ADSS1: variants seen among roughly 807,000 people sequenced by gnomAD.
ADSS1 encodes the protein adenylosuccinate synthase 1.
ADSS1 carries 57 observed loss-of-function variants against 59.1 expected under a neutral mutation model. The ratio of observed to expected loss-of-function variants is 0.97; its 90% CI spans 0.78 to 1.20. The LOEUF is 1.20. Among genes scored for constraint, ADSS1 ranks in the 50% most tolerant of loss-of-function variants. ADSS1 has a pLI of 0.00. For synonymous variants in ADSS1, 247 were observed against 249.4 expected (o/e 0.99, Z 0.09); for missense variants, 603 against 610.3 (o/e 0.99, Z 0.13).
intron 8 of ADSS1, 77 bp from the exon 9 acceptor site, chr14:104,741,771 T>G: frequency 5.1e-6 from 8 of 1,566,712 alleles, no homozygotes; most frequent in Non-Finnish European, 6.1e-6. Context: ...TGCCCTTTAC[T>G]GAGAAGGCCT....
chr14:104,746,985 G>C lies in ADSS1; in HGVS notation c.1356G>C (p.Ser452=). 1 of 1,614,000 alleles carries C rather than the reference G, an allele frequency of 6.2e-7. No homozygotes were observed. The highest frequency in any genetic ancestry group is 8.5e-7 in the Non-Finnish European group (1 of 1,179,892). ...TTGGTGTTGGCAAGTCAAGAGAGTC[G>C]ATGATCCAGCTGTTTTAGTCACAGA... ...KWVGVGKSRE[S]MIQLF is the part of the protein sequence containing the mutation. The change falls in exon 13 of 13, where the codon TCG becomes TCC. Residue 452 remains serine (S), a synonymous_variant. Transcript: ENST00000330877.
At position 104,746,294 on chromosome 14, in the gene ADSS1, A is replaced by G; in HGVS notation, c.1230A>G (p.Lys410=). 6.2e-7 allele frequency: 1 copy of G among 1,613,786 alleles called. No homozygotes were observed. Among genetic ancestry groups the G allele is most frequent in the Admixed American group, 1.7e-5 (1 of 60,020 alleles). The change falls in exon 12 of 13, where the codon AAA becomes AAG. Residue 410 remains lysine, a synonymous_variant. Transcript: ENST00000330877. ...EVEYETLPGW[K]ADTTGARRWE... Reference sequence around the variant, plus strand: ...AGTATGAAACGCTGCCTGGGTGGAAAGCAGACACCACAGGCGCCAGGAGGT... The same window carrying G: ...AGTATGAAACGCTGCCTGGGTGGAAGGCAGACACCACAGGCGCCAGGAGGT...
chr14:104,738,354 C>A, intron 2 of ADSS1, 22 bp from the exon 3 acceptor site: 1 of 1,613,210 alleles, frequency 6.2e-7, no homozygotes, highest in South Asian at 1.1e-5. Context: ...CTCTGTCTCT[C>A]ATGCCTCTGT....
chr14:104,729,254 G>C (rs1447076778), intron 1 of ADSS1, among the ~76,000 whole-genome samples: 1 of 152,140 alleles, frequency 6.6e-6, no homozygotes, highest in Non-Finnish European at 1.5e-5. Flanking sequence ...GGTCAAAGGA[G>C]GTCAATGGAC....
At chr14:104,746,089 TG>T in intron 11 of ADSS1, 146 bp from the exon 12 acceptor site, 1 of 1,013,306 alleles carries the variant, frequency 9.9e-7, no homozygotes. Flanking sequence ...AAAATCAAAC[TG>T]GGCCACGTGC....
intron 10 of ADSS1, among the ~76,000 whole-genome samples, chr14:104,744,076 CAGTG>C (rs1891469911): frequency 7.6e-6 from 1 of 132,126 alleles, no homozygotes; most frequent in South Asian, 2.7e-4. Context: ...TCATTGGCAT[CAGTG>C]GGTGGGTGGG....
Position 104,739,948 on chromosome 14 carries a change from A to AC in ADSS1, c.476+134dup, listed in dbSNP as rs1891278482. ...CCACTCAAAGCCCCTGGAGAATGGC[A>AC]CCGTCAAAATTCCACAGCGCATCAC... is the stretch of plus-strand genomic sequence containing the variant. On this transcript the variant is annotated intron_variant, in intron 5 of 12. Coordinates refer to ENST00000330877, the MANE Select transcript of ADSS1 (RefSeq NM_152328.5). 4 of 980,652 alleles carry AC rather than the reference A, an allele frequency of 4.1e-6. No individual in the cohort carries two copies. The Admixed American group carries it at 8.7e-5, about 21-fold the overall frequency. 60.7% of individuals were successfully genotyped at this position (980,652 alleles called of 1,614,324 possible).
At chr14:104,741,738 C>A in intron 8 of ADSS1, 110 bp from the exon 9 acceptor site, 3 of 1,440,714 alleles carry the variant, frequency 2.1e-6, no homozygotes, top group Non-Finnish European at 1.9e-6. Flanking sequence ...CGGAGGGGGC[C>A]CCCCACGGTT....
rs142197036 is a variant in ADSS1, at chr14:104,746,262, G to A, written c.1198G>A (p.Glu400Lys). The A allele has an allele frequency of 1.2e-5, 20 of 1,612,582 alleles. No individual in the cohort carries two copies. Among genetic ancestry groups the A allele is most frequent in the Admixed American group, 3.3e-5 (2 of 59,974 alleles). Residue 400 changes from glutamate (E) to lysine (K), a missense_variant, in exon 12 of 13, where the codon GAA becomes AAA. Glu to Lys is a moderately conservative substitution (Grantham distance 56). Transcript: ENST00000330877. ...PANQEMLQKV[E>K]VEYETLPGWK... ...TAACCAGGAGATGCTTCAGAAGGTC[G>A]AAGTTGAGTATGAAACGCTGCCTGG... is the stretch of plus-strand genomic sequence containing the variant.
intron 2 of ADSS1, among the ~76,000 whole-genome samples, chr14:104,735,577 G>A (rs1359086688): frequency 6.6e-6 from 1 of 152,166 alleles, no homozygotes; most frequent in African/African-American, 2.4e-5. Flanking sequence ...CGGCCCTGCC[G>A]AGCCATGTGG....
intron 1 of ADSS1, among the ~76,000 whole-genome samples, chr14:104,727,608 G>A (rs1890753032): frequency 6.6e-6 from 1 of 152,112 alleles, no homozygotes. Flanking sequence ...GGGGTCCCCA[G>A]GTACCTCCGC....
chr14:104,736,572 G>A (rs1891131479), intron 2 of ADSS1, among the ~76,000 whole-genome samples: 2 of 152,118 alleles, frequency 1.3e-5, no homozygotes, highest in Non-Finnish European at 1.5e-5. Context: ...CTGAAGTCCC[G>A]TCTCCCTCAG....
chr14:104,731,792 G>T (rs1342398567), intron 1 of ADSS1, among the ~76,000 whole-genome samples: 1 of 152,226 alleles, frequency 6.6e-6, no homozygotes, highest in Non-Finnish European at 1.5e-5. Context: ...GAGTGCGGCT[G>T]CCCTGGGGGC....
At chr14:104,743,298 G>C in intron 10 of ADSS1, 107 bp downstream of exon 10, 2 of 1,510,076 alleles carry the variant, frequency 1.3e-6, no homozygotes, top group Non-Finnish European at 1.8e-6. Context: ...AGTCTCCTTG[G>C]ACAAGGTTTC....
At position 104,740,577 on chromosome 14, in the gene ADSS1, G is replaced by T; in HGVS notation, c.477-24G>T. On this transcript the variant is annotated intron_variant, in intron 5 of 12. Coordinates refer to ENST00000330877, the MANE Select transcript of ADSS1 (RefSeq NM_152328.5). The surrounding 1 kb of genome is among the most constrained non-coding windows in gnomAD (Gnocchi z 4.8). ...CTCCTCAGGGCTCCTGGGTTCTCAT[G>T]GGTACCCACTCCCCATCTTTCAGTA... 6.2e-7 allele frequency: 1 copy of T among 1,609,820 alleles called. No homozygotes were observed.
At position 104,746,358 on chromosome 14, in the gene ADSS1, T is replaced by A; in HGVS notation, c.1294T>A (p.Phe432Ile). The A allele has an allele frequency of 6.2e-7, 1 of 1,613,224 alleles. No homozygotes were observed. The highest frequency in any genetic ancestry group is 8.5e-7 in the Non-Finnish European group (1 of 1,179,590). Residue 432 changes from phenylalanine to isoleucine, a missense_variant, in exon 12 of 13, where the codon TTT becomes ATT. By Grantham distance (21) the Phe-to-Ile change is conservative (BLOSUM62 0). Coordinates refer to ENST00000330877, the MANE Select transcript of ADSS1 (RefSeq NM_152328.5). ...LPPQAQNYIR[F>I]VENHVGVAVK... ...CCCACAGGCCCAGAACTACATCCGCTTTGTGGAGAATCACGTGGGAGTCGC... is the reference window on the plus strand; with the variant it reads ...CCCACAGGCCCAGAACTACATCCGCATTGTGGAGAATCACGTGGGAGTCGC...
chr14:104,740,898 A>C lies in ADSS1; in HGVS notation c.644A>C (p.Glu215Ala). The part of the protein sequence containing the change: ...SMFPTLEIDI[E>A]GQLKRLKGFA... Reference sequence around the variant, plus strand: ...TTCCCCACCCTGGAAATAGACATTGAAGGCCAACTCAAAAGGCTCAAGGTG... The same window carrying C: ...TTCCCCACCCTGGAAATAGACATTGCAGGCCAACTCAAAAGGCTCAAGGTG... Residue 215 changes from glutamate to alanine, a missense_variant, in exon 7 of 13, where the codon GAA becomes GCA. Glu to Ala is a moderately radical substitution (Grantham distance 107). Transcript: ENST00000330877. The surrounding 1 kb of genome is among the most constrained non-coding windows in gnomAD (Gnocchi z 4.8). 2 of 1,613,904 alleles carry C rather than the reference A, an allele frequency of 1.2e-6. No homozygotes were observed. The highest frequency in any genetic ancestry group is 8.5e-7 in the Non-Finnish European group (1 of 1,180,004).
chr14:104,736,900 A>ATATATATATATATG (rs1891153152), intron 2 of ADSS1, among the ~76,000 whole-genome samples: 1 of 87,696 alleles, frequency 1.1e-5, no homozygotes, highest in African/African-American at 3.7e-5. Context: ...ATATATATAT[A>ATATATATATATATG]TATATATATA....
At chr14:104,730,962 G>GGC in intron 1 of ADSS1, among the ~76,000 whole-genome samples, 1 of 116,394 alleles carries the variant, frequency 8.6e-6, no homozygotes, top group South Asian at 3.4e-4. Context: ...AGAGAGTGGG[G>GGC]GGGGGGGGGG....
Sources: allele counts gnomAD v4.1 joint callset (sites outside exome capture counted in the v4.1 genomes callset), GRCh38; gene constraint gnomAD v4.1.1; non-coding constraint Gnocchi (gnomAD v3.1); transcripts MANE v1.5; gene names NCBI Gene and HGNC (gene_info 2026-07-23, HGNC 2026-07-21).